Variants in MDN1 observed in about 807,000 individuals in gnomAD.
MDN1 encodes midasin.
MDN1 carries 266 observed loss-of-function variants against 669.2 expected under a neutral mutation model. The observed-to-expected ratio is 0.40, with a 90% CI of 0.36 to 0.44. MDN1 has a LOEUF of 0.44. Ranked by LOEUF, MDN1 falls within the 20% of genes least tolerant of loss-of-function variation. The pLI is 1.00. For missense variants in MDN1, 5,940 were observed against 6,754.0 expected (o/e 0.88, Z 4.22); for synonymous variants, 2,385 against 2,457.1 (o/e 0.97, Z 0.87).
chr6:89,746,549 G>A (rs1401091661), intron 27 of MDN1, among the ~76,000 whole-genome samples: 1 of 142,564 alleles, frequency 7.0e-6, no homozygotes, highest in Non-Finnish European at 1.5e-5. Context: ...AGCTGAGATC[G>A]TGCCACTGCA....
intron 6 of MDN1, 112 bp from the exon 7 acceptor site, chr6:89,790,023 G>C: frequency 1.9e-6 from 3 of 1,579,762 alleles, no homozygotes; most frequent in Non-Finnish European, 2.6e-6. Flanking sequence ...GTAGGCACTT[G>C]AGGTTTACAT....
intron 1 of MDN1, chr6:89,815,349 G>A (rs537114158): frequency 6.1e-5 from 28 of 462,272 alleles, no homozygotes; most frequent in South Asian, 1.8e-4. Context: ...CCATTATGGC[G>A]GAAGAGAGTG....
chr6:89,731,063 A>C (rs1815564730), intron 34 of MDN1, 140 bp from the exon 35 acceptor site: 1 of 660,644 alleles, frequency 1.5e-6, no homozygotes, highest in Non-Finnish European at 2.6e-6. Context: ...TAGTGTAAGC[A>C]GTCCTAAGAA....
In MDN1 at chr6:89,695,870, C is replaced by T; in HGVS notation, c.9506G>A (p.Ser3169Asn). The change falls in exon 61 of 102, where the codon AGC (serine) becomes AAC (asparagine). Residue 3169 changes from serine (S) to asparagine (N), a missense_variant. By Grantham distance (46) the Ser-to-Asn change is conservative. Around this residue, in one of 5 missense-constraint regions of MDN1, gnomAD observed 2,292 missense variants for 2,638.3 expected, o/e 0.87. Transcript: ENST00000369393. The surrounding 1 kb of genome is among the most constrained non-coding windows in gnomAD (Gnocchi z 4.1). Reference protein sequence around the residue: ...MQNCEQLLLGSSQAFQHVGQT... With the variant: ...MQNCEQLLLGNSQAFQHVGQT... ...GCCCACATGCTGGAAGGCCTGGCTGCTCCCAAGCAGCAGCTGCTCACAGTT... is the reference window on the plus strand; with the variant it reads ...GCCCACATGCTGGAAGGCCTGGCTGTTCCCAAGCAGCAGCTGCTCACAGTT... 2.5e-6 allele frequency: 4 copies of T among 1,613,500 alleles called. No individual in the cohort carries two copies. Among genetic ancestry groups the T allele is most frequent in the African/African-American group, 1.3e-5 (1 of 75,062 alleles).
intron 2 of MDN1, among the ~76,000 whole-genome samples, chr6:89,801,378 C>T (rs1423080139): frequency 3.9e-5 from 6 of 151,940 alleles, no homozygotes; most frequent in East Asian, 1.9e-4. Context: ...TTAGGCCAGG[C>T]GCAGTGGCTT....
At chr6:89,683,469 ATAG>A (rs1811784525) in intron 72 of MDN1, 139 bp from the exon 73 acceptor site, 7 of 701,132 alleles carry the variant, frequency 1.0e-5, no homozygotes, top group Non-Finnish European at 1.2e-5. Flanking sequence ...TTAAATATTA[ATAG>A]TTGTTTTATT....
rs1006654080 is a variant in MDN1 at position 89,781,506 on chromosome 6, G to C, written c.1536C>G (p.His512Gln). 6.2e-7 allele frequency: 1 copy of C among 1,613,954 alleles called. No homozygotes were observed. Among genetic ancestry groups the C allele is most frequent in the South Asian group, 1.1e-5 (1 of 91,066 alleles). The part of the protein sequence containing the change: ...IYIQLTGEKH[H>Q]SWSDSSVGCE... ...ATCCAACAGAACTATCACTCCAAGA[G>C]TGATGTTTCTCTCCAGTAAGTTGGA... Residue 512 changes from histidine (H) to glutamine (Q), a missense_variant, in exon 10 of 102, where the codon CAC (histidine) becomes CAG (glutamine). His to Gln is a conservative substitution (Grantham distance 24, BLOSUM62 0). Coordinates refer to ENST00000369393, the MANE Select transcript of MDN1 (RefSeq NM_014611.3).
In MDN1 at chr6:89,749,391, T is replaced by C. The variant is rs1014195552; in HGVS notation, c.3616-22A>G. The C allele has an allele frequency of 2.5e-6, 4 of 1,611,518 alleles. No homozygotes were observed. The South Asian group carries it at 3.3e-5, about 13-fold the overall frequency. ...GGACCTAGACAAAGCACAGGAAGAA[T>C]GCAGTAAAAGGTGCCTTTTAATTTC... On this transcript the variant is annotated intron_variant, in intron 25 of 101. Transcript: ENST00000369393.
In MDN1 at chr6:89,695,101, C is replaced by T. The variant is rs548821771; in HGVS notation, c.9771+504G>A. Among the ~76,000 whole-genome samples the T allele has an allele frequency of 7.9e-5, 12 of 152,148 alleles. No homozygotes were observed. The South Asian group carries it at 1.5e-3, about 18-fold the overall frequency. On this transcript the variant is annotated intron_variant, in intron 61 of 101. Coordinates refer to ENST00000369393, the MANE Select transcript of MDN1 (RefSeq NM_014611.3). The surrounding 1 kb of genome is among the most constrained non-coding windows in gnomAD (Gnocchi z 4.1). The stretch of plus-strand genomic sequence containing the variant: ...TACAAAAATTAGCCAGGCGTGGTAG[C>T]GGGTTCCTGTAATCCCAGCTACTCG...
At chr6:89,810,551 C>T (rs1020746239) in intron 1 of MDN1, among the ~76,000 whole-genome samples, 2 of 152,298 alleles carry the variant, frequency 1.3e-5, no homozygotes, top group East Asian at 3.9e-4. Context: ...CCTTTGAAAC[C>T]TATAGGGGAG....
chr6:89,700,270 G>C lies in MDN1; in HGVS notation c.8663C>G (p.Ala2888Gly). The C allele has an allele frequency of 6.2e-7, 1 of 1,614,094 alleles. No individual in the cohort carries two copies. The highest frequency in any genetic ancestry group is 8.5e-7 in the Non-Finnish European group (1 of 1,179,972). ...SLDELKNFVH[A>G]QCLELKAKGL... ...TTTGGCTTTCAGTTCTAAACACTGAGCATGCACAAAATTCTTCAATTCATC... is the reference window on the plus strand; with the variant it reads ...TTTGGCTTTCAGTTCTAAACACTGACCATGCACAAAATTCTTCAATTCATC... Residue 2888 changes from alanine to glycine, a missense_variant, in exon 57 of 102, where the codon GCT (alanine) becomes GGT (glycine). Physicochemically the swap from Ala to Gly is moderately conservative, Grantham distance 60. Coordinates refer to ENST00000369393, the MANE Select transcript of MDN1 (RefSeq NM_014611.3).
intron 1 of MDN1, among the ~76,000 whole-genome samples, chr6:89,813,375 C>T (rs560906180): frequency 1.3e-5 from 2 of 152,102 alleles, no homozygotes; most frequent in Admixed American, 6.5e-5. Context: ...CATGGCAAAA[C>T]CCCATCTCTA....
chr6:89,755,876 A>G (rs1817219296), intron 20 of MDN1, among the ~76,000 whole-genome samples: 1 of 152,246 alleles, frequency 6.6e-6, no homozygotes, highest in African/African-American at 2.4e-5. Flanking sequence ...AACCTGACAC[A>G]ATCAATTATA....
rs1022024056 is a variant in MDN1 at position 89,798,718 on chromosome 6, T to C, written c.330-3917A>G. Among the ~76,000 whole-genome samples, 12 of 152,346 alleles carry C rather than the reference T, an allele frequency of 7.9e-5. No individual in the cohort carries two copies. The East Asian group carries it at 1.7e-3, about 22-fold the overall frequency. On this transcript the variant is annotated intron_variant, in intron 2 of 101. Coordinates refer to ENST00000369393, the MANE Select transcript of MDN1 (RefSeq NM_014611.3). ...AAAACCACTGAACTGTACACTTTTA[T>C]ATAAACTATCCCAATAAAGCCATAT...
Position 89,702,022 on chromosome 6 carries a change from C to T in MDN1, c.8188G>A (p.Val2730Met). The change falls in exon 54 of 102, where the codon GTG becomes ATG. Residue 2730 changes from valine to methionine, a missense_variant. By Grantham distance (21) the Val-to-Met change is conservative. Around this residue, in one of 5 missense-constraint regions of MDN1, gnomAD observed 2,292 missense variants for 2,638.3 expected, o/e 0.87. Coordinates refer to ENST00000369393, the MANE Select transcript of MDN1 (RefSeq NM_014611.3). ...SLRWRDRFWT[V>M]ADTVKVDAPG... is the part of the protein sequence containing the mutation. ...GCATCTACTTTTACTGTGTCGGCCA[C>T]AGTCCAGAACCGGTCCCGCCACCGC... 6.2e-7 allele frequency: 1 copy of T among 1,613,164 alleles called. No homozygotes were observed. The highest frequency in any genetic ancestry group is 8.5e-7 in the Non-Finnish European group (1 of 1,179,502).
intron 2 of MDN1, among the ~76,000 whole-genome samples, chr6:89,796,956 T>C (rs909248407): frequency 1.3e-5 from 2 of 151,962 alleles, no homozygotes; most frequent in Non-Finnish European, 2.9e-5. Flanking sequence ...TAATCCCAGC[T>C]ACTCAGGAGG....
rs1816884314 is a variant in MDN1 at position 89,750,525 on chromosome 6, G to T, written c.3235C>A (p.Pro1079Thr). 1 of 1,604,830 alleles carries T rather than the reference G, an allele frequency of 6.2e-7. No individual in the cohort carries two copies. Among genetic ancestry groups the T allele is most frequent in the Non-Finnish European group, 8.5e-7 (1 of 1,173,144 alleles). Residue 1079 changes from proline (P) to threonine (T), a missense_variant, in exon 24 of 102, where the codon CCA (proline) becomes ACA (threonine). Coordinates refer to ENST00000369393, the MANE Select transcript of MDN1 (RefSeq NM_014611.3). ...GATGTCTCTCCCTGAATCAGCACTG[G>T]ATAGGTTCTGTAAAAGATTAGCCAA... ...IVRVVSAGTY[P>T]VLIQGETSVG...
chr6:89,747,368 C>T lies in MDN1; in HGVS notation c.3865G>A (p.Glu1289Lys), dbSNP rs200223632. The T allele has an allele frequency of 1.7e-5, 28 of 1,613,994 alleles. No homozygotes were observed. Among genetic ancestry groups the T allele is most frequent in the East Asian group, 2.2e-5 (1 of 44,884 alleles). The change falls in exon 27 of 102, where the codon GAG becomes AAG. Residue 1289 changes from glutamate to lysine, a missense_variant. By Grantham distance (56) the Glu-to-Lys change is moderately conservative. Transcript: ENST00000369393. ...AERYRLAEPT[E>K]KEYDWLQHLA... ...TGCTGTAGCCAGTCATACTCCTTCTCGGTCGGCTCAGCCAATCTGTATCTT... is the reference window on the plus strand; with the variant it reads ...TGCTGTAGCCAGTCATACTCCTTCTTGGTCGGCTCAGCCAATCTGTATCTT...
chr6:89,804,313 A>T (rs771108974), intron 1 of MDN1, among the ~76,000 whole-genome samples: 1 of 152,156 alleles, frequency 6.6e-6, no homozygotes, highest in Non-Finnish European at 1.5e-5. Flanking sequence ...CATAAGTGAG[A>T]TTCTATTATA....
Sources: gnomAD v4.1 joint callset for allele counts (sites outside exome capture counted in the v4.1 genomes callset) on GRCh38, gnomAD v4.1.1 for gene constraint, gnomAD v4.1.1 regional missense constraint, Gnocchi (gnomAD v3.1) non-coding constraint, MANE v1.5 for transcripts, NCBI Gene and HGNC (gene_info 2026-07-23, HGNC 2026-07-21) for gene names.